The following PRKCA variants were observed in gnomAD, a reference collection of about 807,000 sequenced individuals.
PRKCA encodes the protein protein kinase C alpha, also known as protein kinase C alpha type.
Under a neutral mutation model 87.0 loss-of-function variants are expected in PRKCA, and 27 were observed. That is an observed-to-expected ratio of 0.31 (90% CI 0.23 to 0.43). The LOEUF (loss-of-function observed/expected upper bound fraction) is 0.43. Among genes scored for constraint, PRKCA ranks in the 20% least tolerant of loss-of-function variants. The pLI, the probability that PRKCA is intolerant of heterozygous loss-of-function variation, is 1.00. For missense variants in PRKCA, 518 were observed against 852.3 expected (o/e 0.61, Z 4.88); for synonymous variants, 329 against 311.1 (o/e 1.06, Z -0.61).
rs960214171 is a variant in PRKCA, at chr17:66,380,120, T to C, written c.205+73993T>C. 2.0e-5 allele frequency among the ~76,000 whole-genome samples: 3 copies of C among 152,106 alleles called. No individual in the cohort carries two copies. The South Asian group carries it at 6.2e-4, about 31-fold the overall frequency. On this transcript the variant is annotated intron_variant, in intron 2 of 16. Transcript: ENST00000413366. ...CTGACTACTAAGACGAGATCCAATT[T>C]AGGAAGTGTTTTGACATTACCCCCA...
At chr17:66,580,479 C>T (rs920786647) in intron 3 of PRKCA, among the ~76,000 whole-genome samples, 8 of 152,208 alleles carry the variant, frequency 5.3e-5, no homozygotes, top group Admixed American at 1.3e-4. Context: ...CTGAGAGCCA[C>T]GTGGTCCCAC....
intron 2 of PRKCA, among the ~76,000 whole-genome samples, chr17:66,338,520 T>C (rs938768206): frequency 6.6e-6 from 1 of 152,176 alleles, no homozygotes; most frequent in East Asian, 1.9e-4. Context: ...TCTGGGATTA[T>C]TTTCATTATG....
chr17:66,318,867 A>G (rs1437118300), intron 2 of PRKCA, among the ~76,000 whole-genome samples: 1 of 151,720 alleles, frequency 6.6e-6, no homozygotes, highest in Non-Finnish European at 1.5e-5. Context: ...AAAAAAAAAG[A>G]CTTGCCGTGG....
At chr17:66,383,010 G>C (rs1285327354) in intron 2 of PRKCA, among the ~76,000 whole-genome samples, 1 of 152,126 alleles carries the variant, frequency 6.6e-6, no homozygotes, top group African/African-American at 2.4e-5. Flanking sequence ...ACGTAACTGT[G>C]TACTTAGTTT....
chr17:66,705,614 A>G (rs1337946864), intron 8 of PRKCA, among the ~76,000 whole-genome samples: 2 of 152,212 alleles, frequency 1.3e-5, no homozygotes, highest in African/African-American at 4.8e-5. Context: ...AAGAAATATT[A>G]GTTAATATCA....
rs569393643 is a variant in PRKCA, at chr17:66,596,686, T to G, written c.289-44669T>G. Among the ~76,000 whole-genome samples the G allele has an allele frequency of 2.9e-5, 3 of 102,016 alleles. No individual in the cohort carries two copies. In the East Asian group the frequency reaches 8.7e-4, roughly 30 times the overall value. The allele number at this position is 102,016 out of a possible 152,430, so 66.9% of individuals were successfully genotyped here. A position where few individuals can be genotyped will look rare whatever the true frequency, so the allele number is the denominator to read the frequency against. ...TGCTGGTGCGCTGCACCCACTAACGTGTCATCTAGCATTAGGTATATCTCC... is the reference window on the plus strand; with the variant it reads ...TGCTGGTGCGCTGCACCCACTAACGGGTCATCTAGCATTAGGTATATCTCC... On this transcript the variant is annotated intron_variant, in intron 3 of 16. Coordinates refer to ENST00000413366, the MANE Select transcript of PRKCA (RefSeq NM_002737.3).
rs551230466 is a variant in PRKCA, at chr17:66,739,242, G to A, written c.1322+387G>A. ...AAAGTGGGATTCTGCCCAGTTTTAG[G>A]TTGAATGTTATAAACCTAAACATGG... is the stretch of plus-strand genomic sequence containing the variant. On this transcript the variant is annotated intron_variant, in intron 11 of 16. Coordinates refer to ENST00000413366, the MANE Select transcript of PRKCA (RefSeq NM_002737.3). 1.6e-3 allele frequency among the ~76,000 whole-genome samples: 244 copies of A among 152,310 alleles called. 1 individual carries two copies. The highest frequency in any genetic ancestry group is 2.9e-3 in the Non-Finnish European group (197 of 68,034).
At chr17:66,798,413 ATGGTGG>A (rs1402216443) in intron 16 of PRKCA, among the ~76,000 whole-genome samples, 26 of 51,790 alleles carry the variant, frequency 5.0e-4, no homozygotes, top group Middle Eastern at 7.9e-3. Context: ...GGTGATGGTG[ATGGTGG>A]TGGTGGTGGT....
At chr17:66,661,270 C>T (rs1232353802) in intron 5 of PRKCA, among the ~76,000 whole-genome samples, 1 of 150,096 alleles carries the variant, frequency 6.7e-6, no homozygotes. Context: ...CCACCCTGGA[C>T]CAATGGACTG....
At chr17:66,374,974 C>T (rs1909339255) in intron 2 of PRKCA, among the ~76,000 whole-genome samples, 1 of 152,186 alleles carries the variant, frequency 6.6e-6, no homozygotes, top group African/African-American at 2.4e-5. Flanking sequence ...CTCAAGAAAT[C>T]TGCCCGCCTT....
chr17:66,306,111 A>G lies in PRKCA; in HGVS notation c.189A>G (p.Gln63=). 6.2e-7 allele frequency: 1 copy of G among 1,612,508 alleles called. No homozygotes were observed. ...CTDFIWGFGK[Q]GFQCQVCCFV... ...TGTTTTTCAGGGGGTTTGGGAAACA[A>G]GGCTTCCAGTGCCAAGGTAAGCTAC... The change falls in exon 2 of 17, where the codon CAA becomes CAG. Residue 63 remains glutamine (Q), a synonymous_variant. Coordinates refer to ENST00000413366, the MANE Select transcript of PRKCA (RefSeq NM_002737.3).
Position 66,658,190 on chromosome 17 carries a change from C to T in PRKCA, c.529+12679C>T, listed in dbSNP as rs572554986. ...AGGGGAAAGCCCCTTATAAAACCATCAGATCTCAGCCGGGCACAGTGGCTC... is the reference window on the plus strand; with the variant it reads ...AGGGGAAAGCCCCTTATAAAACCATTAGATCTCAGCCGGGCACAGTGGCTC... On this transcript the variant is annotated intron_variant, in intron 5 of 16. Transcript: ENST00000413366. Among the ~76,000 whole-genome samples, 8 of 152,220 alleles carry T rather than the reference C, an allele frequency of 5.3e-5. 1 individual carries two copies. In the South Asian group the frequency reaches 1.5e-3, roughly 28 times the overall value.
intron 5 of PRKCA, among the ~76,000 whole-genome samples, chr17:66,661,258 T>G (rs1412200873): frequency 7.4e-6 from 1 of 134,498 alleles, no homozygotes; most frequent in Non-Finnish European, 1.6e-5. Flanking sequence ...GTGGGTCACA[T>G]GCCACCCTGG....
chr17:66,679,810 T>C (rs976696814), intron 5 of PRKCA, among the ~76,000 whole-genome samples: 4 of 152,278 alleles, frequency 2.6e-5, no homozygotes, highest in African/African-American at 7.2e-5. Context: ...CAAGCGAAAG[T>C]GGAGTTTTGT....
chr17:66,769,242 C>T (rs1473403921), intron 13 of PRKCA, among the ~76,000 whole-genome samples: 1 of 151,876 alleles, frequency 6.6e-6, no homozygotes, highest in Non-Finnish European at 1.5e-5. Flanking sequence ...CCTGTGGTCC[C>T]AGCTACTTAG....
At position 66,803,716 on chromosome 17, in the gene PRKCA, T is replaced by A. The variant is rs1975955501; in HGVS notation, c.1855-157T>A. Among the ~76,000 whole-genome samples the A allele has an allele frequency of 6.6e-6, 1 of 152,150 alleles. No homozygotes were observed. The highest frequency in any genetic ancestry group is 1.5e-5 in the Non-Finnish European group (1 of 68,016). Reference sequence around the variant, plus strand: ...TCGTTGTTGTCTGCTGTGCCTGGCTTTTCAATCCAATAGGCCTGCAAGTCC... The same window carrying A: ...TCGTTGTTGTCTGCTGTGCCTGGCTATTCAATCCAATAGGCCTGCAAGTCC... On this transcript the variant is annotated intron_variant, in intron 16 of 16. Coordinates refer to ENST00000413366, the MANE Select transcript of PRKCA (RefSeq NM_002737.3). The surrounding 1 kb of genome is among the most constrained non-coding windows in gnomAD (Gnocchi z 4.4).
intron 3 of PRKCA, among the ~76,000 whole-genome samples, chr17:66,521,195 T>A (rs11651708): frequency 0.34 from 51,622 of 152,086 alleles, 8,926 homozygotes; most frequent in South Asian, 0.49. Flanking sequence ...CAGTTTCTCT[T>A]GCAAGTATAT....
intron 3 of PRKCA, among the ~76,000 whole-genome samples, chr17:66,581,179 T>C (rs1349816430): frequency 6.6e-6 from 1 of 152,194 alleles, no homozygotes; most frequent in Non-Finnish European, 1.5e-5. Context: ...AAGTAAATGT[T>C]CTAGATCAGT....
intron 3 of PRKCA, among the ~76,000 whole-genome samples, chr17:66,528,316 G>A (rs1159561021): frequency 6.6e-6 from 1 of 150,484 alleles, no homozygotes; most frequent in Non-Finnish European, 1.5e-5. Flanking sequence ...TAGATAGAAT[G>A]ATGTGCCTTC....
Sources: allele counts gnomAD v4.1 joint callset (sites outside exome capture counted in the v4.1 genomes callset), GRCh38; gene constraint gnomAD v4.1.1; non-coding constraint Gnocchi (gnomAD v3.1); transcripts MANE v1.5; gene names NCBI Gene and HGNC (gene_info 2026-07-23, HGNC 2026-07-21).